IFIH1: variants seen among roughly 807,000 people sequenced by gnomAD.
IFIH1 encodes interferon-induced helicase C domain-containing protein 1.
IFIH1 carries 125 observed loss-of-function variants against 107.4 expected under a neutral mutation model. That is an observed-to-expected ratio of 1.16 (90% CI 1.01 to 1.35). The LOEUF is 1.35. Among genes scored for constraint, IFIH1 ranks in the 40% most tolerant of loss-of-function variants. The pLI is 0.00. For synonymous variants in IFIH1, 458 were observed against 413.2 expected, an observed-to-expected ratio of 1.11 and a Z score of -1.31; for missense variants, 1,333 against 1,213.7, an observed-to-expected ratio of 1.10 and a Z score of -1.46.
chr2:162,313,488 C>T (rs1015333907), intron 1 of IFIH1, among the ~76,000 whole-genome samples: 8 of 152,156 alleles, frequency 5.3e-5, no homozygotes, highest in East Asian at 1.9e-4. Flanking sequence ...CAACTCAATG[C>T]TTTCATATTC....
At chr2:162,270,461 T>C (rs968822153) in intron 13 of IFIH1, among the ~76,000 whole-genome samples, 1 of 152,218 alleles carries the variant, frequency 6.6e-6, no homozygotes, top group Non-Finnish European at 1.5e-5. Context: ...CAATGTTTTC[T>C]ACAGGCTTTG....
chr2:162,268,038 T>C (rs74162088), intron 14 of IFIH1, 49 bp downstream of exon 14: 19 of 1,321,898 alleles, frequency 1.4e-5, no homozygotes, highest in Middle Eastern at 1.9e-4. Flanking sequence ...CAATGCAACC[T>C]GCTTCACCCC....
At chr2:162,273,609 T>C (rs1691088702) in intron 12 of IFIH1, among the ~76,000 whole-genome samples, 186 bp downstream of exon 12, 1 of 152,182 alleles carries the variant, frequency 6.6e-6, no homozygotes, top group Non-Finnish European at 1.5e-5. Context: ...TATCTGGTTA[T>C]TATATGAATT....
rs1553461352 is a variant in IFIH1 at position 162,314,398 on chromosome 2, C to CCTTTCTTTCTTT, written c.453+3445_453+3456dup. ...TCCCTCCCTCCCTCCCTCCCTCCCT[C>CCTTTCTTTCTTT]CTTTCTTTCTTTCTTTCTTTTCTTT... On this transcript the variant is annotated intron_variant, in intron 1 of 15. Transcript: ENST00000649979. 7.5e-4 allele frequency among the ~76,000 whole-genome samples: 50 copies of CCTTTCTTTCTTT among 67,012 alleles called. 5 individuals are homozygous for CCTTTCTTTCTTT. Among genetic ancestry groups the CCTTTCTTTCTTT allele is most frequent in the East Asian group, 2.9e-3 (5 of 1,738 alleles). 44.0% of individuals were successfully genotyped at this position (67,012 alleles called of 152,430 possible).
At position 162,267,518 on chromosome 2, in the gene IFIH1, G is replaced by A. The variant is rs1690949302; in HGVS notation, c.2859C>T (p.Asp953=). 1 of 1,613,936 alleles carries A rather than the reference G, an allele frequency of 6.2e-7. No homozygotes were observed. Among genetic ancestry groups the A allele is most frequent in the African/African-American group, 1.3e-5 (1 of 75,042 alleles). Residue 953 remains aspartate, a synonymous_variant, in exon 15 of 16, where the codon GAC becomes GAT. Coordinates refer to ENST00000649979, the MANE Select transcript of IFIH1 (RefSeq NM_022168.4). ...AGATGATTTCACCATTTATTTGATA[G>A]TCGGCACACTTCTTTTGCAGTGCTT... ...ENKALQKKCA[D]YQINGEIICK...
At position 162,277,467 on chromosome 2, in the gene IFIH1, C is replaced by A. The variant is rs2105197453; in HGVS notation, c.1992G>T (p.Lys664Asn). ...CDGDEDEDDL[K>N]KPLKLDETDR... The stretch of plus-strand genomic sequence containing the variant: ...CTGTTTCATCCAGTTTCAAAGGTTT[C>A]TTTAAATCATCCTCATCTTCATCAC... The change falls in exon 10 of 16, where the codon AAG (lysine) becomes AAT (asparagine). Residue 664 changes from lysine (K) to asparagine (N), a missense_variant. By Grantham distance (94) the Lys-to-Asn change is moderately conservative (BLOSUM62 0). Transcript: ENST00000649979. 1.2e-6 allele frequency: 2 copies of A among 1,608,810 alleles called. No homozygotes were observed. The highest frequency in any genetic ancestry group is 8.5e-7 in the Non-Finnish European group (1 of 1,176,304).
In IFIH1 at chr2:162,318,345, A is replaced by T. The variant is rs1683556843; in HGVS notation, c.-38T>A. The T allele has an allele frequency of 4.5e-6, 7 of 1,540,050 alleles. No homozygotes were observed. Among genetic ancestry groups the T allele is most frequent in the Non-Finnish European group, 6.2e-6 (7 of 1,120,542 alleles). On this transcript the variant is annotated 5_prime_UTR_variant, in exon 1 of 16. Coordinates refer to ENST00000649979, the MANE Select transcript of IFIH1 (RefSeq NM_022168.4). ...GAGAAGGGAGAGGGTTCTCCCAAGC[A>T]GATGGTGCTGTTGTCTGCGGGACAG... is the stretch of plus-strand genomic sequence containing the variant.
At position 162,318,073 on chromosome 2, in the gene IFIH1, A is replaced by AT. The variant is rs1173976772; in HGVS notation, c.234dup (p.Phe79IlefsTer20). ...CCGGTTCTCCGGAGGGCCTCCACGA[A>AT]TTCCCGAGTCCAACCAAGGTGCCAG... On this transcript the variant is annotated frameshift_variant, in exon 1 of 16. Coordinates refer to ENST00000649979, the MANE Select transcript of IFIH1 (RefSeq NM_022168.4). LOFTEE classifies it high-confidence loss of function. 3.1e-6 allele frequency: 5 copies of AT among 1,614,012 alleles called. No homozygotes were observed. In the African/African-American group the frequency reaches 6.7e-5, roughly 22 times the overall value.
At chr2:162,271,436 A>G (rs1383522354) in intron 13 of IFIH1, among the ~76,000 whole-genome samples, 3 of 129,394 alleles carry the variant, frequency 2.3e-5, no homozygotes, top group Non-Finnish European at 3.2e-5. Context: ...GGCTGGGAAC[A>G]TTACACACCA....
At chr2:162,297,388 G>A (rs954725594) in intron 3 of IFIH1, among the ~76,000 whole-genome samples, 3 of 152,098 alleles carry the variant, frequency 2.0e-5, no homozygotes, top group Non-Finnish European at 4.4e-5. Context: ...GGCAGGCCTT[G>A]CTATGAAAAA....
At position 162,306,738 on chromosome 2, in the gene IFIH1, G is replaced by GATT. The variant is rs1399614346; in HGVS notation, c.737_739dup (p.Glu246_Ser247insTer). 1 of 1,613,750 alleles carries GATT rather than the reference G, an allele frequency of 6.2e-7. No individual in the cohort carries two copies. Among genetic ancestry groups the GATT allele is most frequent in the Admixed American group, 1.7e-5 (1 of 59,994 alleles). ...AACTACAGAAGAATCTGCAAAAGAT[G>GATT]ATTCTGATGAGTTATTCTCCATGCC... is the stretch of plus-strand genomic sequence containing the variant. On this transcript the variant is annotated stop_gained, in exon 3 of 16. Coordinates refer to ENST00000649979, the MANE Select transcript of IFIH1 (RefSeq NM_022168.4). LOFTEE classifies it high-confidence loss of function.
At chr2:162,312,168 A>G (rs1683394743) in intron 1 of IFIH1, among the ~76,000 whole-genome samples, 1 of 152,160 alleles carries the variant, frequency 6.6e-6, no homozygotes, top group South Asian at 2.1e-4. Context: ...TATGTCAGAA[A>G]TTTGTTAACA....
intron 1 of IFIH1, among the ~76,000 whole-genome samples, chr2:162,315,022 A>G (rs1368699925): frequency 1.3e-5 from 2 of 152,204 alleles, no homozygotes; most frequent in Non-Finnish European, 2.9e-5. Context: ...TGCTGTAATT[A>G]CGGGCAGGGG....
rs1418555301 is a variant in IFIH1, at chr2:162,282,491, G to A, written c.1181C>T (p.Thr394Ile). The A allele has an allele frequency of 1.9e-6, 3 of 1,611,010 alleles. No individual in the cohort carries two copies. Among genetic ancestry groups the A allele is most frequent in the African/African-American group, 2.7e-5 (2 of 74,720 alleles). Residue 394 changes from threonine (T) to isoleucine (I), a missense_variant, in exon 6 of 16, where the codon ACC (threonine) becomes ATC (isoleucine). By Grantham distance (89) the Thr-to-Ile change is moderately conservative. Transcript: ENST00000649979. ...WYRVIGLSGDTQLKISFPEVV... is the reference protein window; with the variant it reads ...WYRVIGLSGDIQLKISFPEVV... ...TTCTGGAAATGATATTTTCAGTTGGGTATCACCACTTAATCCAATAACACG... is the reference window on the plus strand; with the variant it reads ...TTCTGGAAATGATATTTTCAGTTGGATATCACCACTTAATCCAATAACACG...
chr2:162,317,668 T>C (rs866925192), intron 1 of IFIH1, among the ~76,000 whole-genome samples, 187 bp downstream of exon 1: 5 of 152,226 alleles, frequency 3.3e-5, no homozygotes, highest in Admixed American at 2.0e-4. Flanking sequence ...GTGAAAACAT[T>C]AGAAAAGTAG....
chr2:162,293,457 C>G, intron 4 of IFIH1, 107 bp downstream of exon 4: 1 of 643,636 alleles, frequency 1.6e-6, no homozygotes, highest in East Asian at 2.7e-5. Flanking sequence ...AAAAGAATTG[C>G]TTTAATTGCA....
At chr2:162,310,646 C>G in intron 2 of IFIH1, 119 bp downstream of exon 2, 1 of 742,340 alleles carries the variant, frequency 1.3e-6, no homozygotes. Context: ...CACATATGTT[C>G]CACTCTTAAA....
chr2:162,282,313 T>C (rs1558867780), intron 6 of IFIH1, 53 bp downstream of exon 6: 1 of 1,145,744 alleles, frequency 8.7e-7, no homozygotes. Context: ...ACAGCCTTTG[T>C]TATCATCAAT....
rs1166717528 is a variant in IFIH1 at position 162,278,309 on chromosome 2, A to C, written c.1661T>G (p.Leu554Arg). ...TTGAATCCTTGTCATTATTTCTAGA[A>C]GTTTCTCTTTAAATGGATCCTAAAA... ...ATREDPFKEK[L>R]LEIMTRIQTY... is the part of the protein sequence containing the mutation. The change falls in exon 9 of 16, where the codon CTT (leucine) becomes CGT (arginine). Residue 554 changes from leucine (L) to arginine (R), a missense_variant. Transcript: ENST00000649979. The C allele has an allele frequency of 1.4e-6, 2 of 1,441,530 alleles. No individual in the cohort carries two copies. Among genetic ancestry groups the C allele is most frequent in the Non-Finnish European group, 1.9e-6 (2 of 1,035,742 alleles). The allele number at this position is 1,441,530 out of a possible 1,614,324, so 89.3% of individuals were successfully genotyped here. A position where few individuals can be genotyped will look rare whatever the true frequency, so the allele number is the denominator to read the frequency against.
Sources: gnomAD v4.1 joint callset for allele counts (sites outside exome capture counted in the v4.1 genomes callset) on GRCh38, gnomAD v4.1.1 for gene constraint, MANE v1.5 for transcripts, NCBI Gene and HGNC (gene_info 2026-07-23, HGNC 2026-07-21) for gene names.